Variants in COL4A5 observed in about 807,000 individuals in gnomAD.
COL4A5 encodes the protein collagen alpha-5(IV) chain.
COL4A5 carries 26 observed loss-of-function variants against 130.2 expected under a neutral mutation model. The ratio of observed to expected loss-of-function variants is 0.20; its 90% CI spans 0.15 to 0.28. COL4A5 has a LOEUF of 0.28. Ranked by LOEUF, COL4A5 falls within the 10% of genes least tolerant of loss-of-function variation. The probability of loss-of-function intolerance (pLI) is 1.00; values close to 1 mark genes in which losing one functional copy is unlikely to be tolerated. For synonymous variants in COL4A5, 496 were observed against 439.6 expected (o/e 1.13, Z -1.60); for missense variants, 1,131 against 1,344.3 (o/e 0.84, Z 2.48).
rs185318293 is a variant in COL4A5 at position 108,575,511 on chromosome X, C to T, written c.547-399C>T. Reference sequence around the variant, plus strand: ...AAATTGTAGAGCAGAATTCCAATGACGACTGAAGTTTAAATGAAGTCTAAA... The same window carrying T: ...AAATTGTAGAGCAGAATTCCAATGATGACTGAAGTTTAAATGAAGTCTAAA... On this transcript the variant is annotated intron_variant, in intron 9 of 52. Coordinates refer to ENST00000328300, the MANE Select transcript of COL4A5 (RefSeq NM_033380.3). Among the ~76,000 whole-genome samples, 10 of 112,522 alleles carry T rather than the reference C, an allele frequency of 8.9e-5. 3 individuals carry two copies. Among genetic ancestry groups the T allele is most frequent in the East Asian group, 2.8e-4 (1 of 3,581 alleles).
Position 108,624,324 on chromosome X carries a change from A to G in COL4A5, c.3006A>G (p.Pro1002=). 8.3e-7 allele frequency: 1 copy of G among 1,200,110 alleles called. No homozygotes were observed. The highest frequency in any genetic ancestry group is 1.1e-6 in the Non-Finnish European group (1 of 885,884). ...QPGLSGQPGL[P]GPPGPKGNPG... ...GACTGAGTGGACAACCTGGATTACC[A>G]GGACCACCAGGTAAGTGTGATAGGC... Residue 1002 remains proline (P), a synonymous_variant, in exon 34 of 53, where the codon CCA becomes CCG. Transcript: ENST00000328300.
intron 1 of COL4A5, among the ~76,000 whole-genome samples, chrX:108,488,561 CTG>C (rs767575200): frequency 4.5e-5 from 5 of 112,124 alleles, no homozygotes; most frequent in East Asian, 2.8e-4. Flanking sequence ...CAATGTATAA[CTG>C]TGTTTTCCTA....
At chrX:108,601,306 A>T in intron 25 of COL4A5, 87 bp from the exon 26 acceptor site, 1 of 597,920 alleles carries the variant, frequency 1.7e-6, no homozygotes, top group Admixed American at 3.0e-5. Context: ...AAGATTGCTG[A>T]TAATTTTCTT....
intron 1 of COL4A5, among the ~76,000 whole-genome samples, chrX:108,485,659 C>T (rs926652647): frequency 1.8e-5 from 2 of 110,181 alleles, no homozygotes; most frequent in Non-Finnish European, 3.8e-5. Context: ...CCCTATCCTA[C>T]TGTGTCTGAG....
At chrX:108,446,065 C>T (rs1338305600) in intron 1 of COL4A5, among the ~76,000 whole-genome samples, 1 of 111,060 alleles carries the variant, frequency 9.0e-6, no homozygotes, top group African/African-American at 3.3e-5. Context: ...ATTCATGTTT[C>T]AATTGCTATG....
chrX:108,595,427 G>A (rs1170940394), intron 21 of COL4A5, 82 bp from the exon 22 acceptor site: 2 of 842,783 alleles, frequency 2.4e-6, no homozygotes, highest in Admixed American at 2.2e-5. Flanking sequence ...CTGTCCCTTA[G>A]TGCTAACATT....
intron 1 of COL4A5, among the ~76,000 whole-genome samples, chrX:108,480,609 G>A (rs748484232): frequency 8.8e-6 from 1 of 113,005 alleles, no homozygotes; most frequent in African/African-American, 3.2e-5. Context: ...CTTCGGGTGG[G>A]CCTCATGCAC....
intron 2 of COL4A5, among the ~76,000 whole-genome samples, chrX:108,549,444 A>G (rs1374445872): frequency 8.9e-6 from 1 of 112,128 alleles, no homozygotes; most frequent in Non-Finnish European, 1.9e-5. Context: ...AAATAATAAT[A>G]TTTGTAGAAA....
At chrX:108,465,469 CTTTA>C (rs1188556087) in intron 1 of COL4A5, among the ~76,000 whole-genome samples, 2 of 111,258 alleles carry the variant, frequency 1.8e-5, no homozygotes, top group African/African-American at 3.3e-5. Flanking sequence ...TGTAAGAGTT[CTTTA>C]TTTGTCATGT....
intron 40 of COL4A5, 53 bp from the exon 41 acceptor site, chrX:108,668,266 G>T: frequency 1.8e-6 from 2 of 1,125,107 alleles, no homozygotes; most frequent in Non-Finnish European, 2.4e-6. Flanking sequence ...AACCTTATAA[G>T]CAAGCTTGTA....
chrX:108,638,324 A>C (rs1410994654), intron 36 of COL4A5, among the ~76,000 whole-genome samples: 1 of 111,418 alleles, frequency 9.0e-6, no homozygotes, highest in African/African-American at 3.3e-5. Context: ...GAGAAATCCC[A>C]CATGATCACT....
chrX:108,565,146 A>C (rs1177373261), intron 4 of COL4A5, among the ~76,000 whole-genome samples: 1 of 111,450 alleles, frequency 9.0e-6, no homozygotes, highest in Non-Finnish European at 1.9e-5. Flanking sequence ...CAGGTGTTTG[A>C]GATTGCTTGG....
chrX:108,488,155 TA>T (rs1327681487), intron 1 of COL4A5, among the ~76,000 whole-genome samples: 2 of 112,454 alleles, frequency 1.8e-5, no homozygotes, highest in Non-Finnish European at 3.8e-5. Context: ...TTTACTTTTA[TA>T]AATATTTTAT....
intron 49 of COL4A5, chrX:108,689,269 G>A (rs1395717705): frequency 1.6e-6 from 1 of 620,921 alleles, no homozygotes; most frequent in African/African-American, 2.5e-5. Flanking sequence ...ATTTTCTCTA[G>A]TCTTTCTCCT....
chrX:108,442,869 C>T (rs749250636), intron 1 of COL4A5: 12 of 111,276 alleles, frequency 1.1e-4, no homozygotes, highest in Non-Finnish European at 2.1e-4. Flanking sequence ...AGACATATAC[C>T]GTTATTATCC....
chrX:108,580,893 C>A, intron 15 of COL4A5, 90 bp from the exon 16 acceptor site: 1 of 1,018,149 alleles, frequency 9.8e-7, no homozygotes, highest in Non-Finnish European at 1.4e-6. Context: ...ATAGTCCAAG[C>A]CAGGAATAAA....
chrX:108,452,131 T>A (rs140968488), intron 1 of COL4A5, among the ~76,000 whole-genome samples: 128 of 111,651 alleles, frequency 1.1e-3, no homozygotes, highest in African/African-American at 4.0e-3. Context: ...GATCAGATAG[T>A]TGTAGATTTG....
At chrX:108,479,195 G>A (rs2064864916) in intron 1 of COL4A5, among the ~76,000 whole-genome samples, 1 of 112,304 alleles carries the variant, frequency 8.9e-6, no homozygotes, top group South Asian at 3.7e-4. Context: ...GCAATCACAT[G>A]GGATACAAAT....
intron 50 of COL4A5, 178 bp from the exon 51 acceptor site, chrX:108,694,629 T>A (rs1367729837): frequency 1.5e-5 from 7 of 472,977 alleles, no homozygotes; most frequent in Non-Finnish European, 2.6e-5. Context: ...GTTTATTATG[T>A]ATACTGGGAG....
Sources: gnomAD v4.1 joint callset for allele counts (sites outside exome capture counted in the v4.1 genomes callset) on GRCh38, gnomAD v4.1.1 for gene constraint, MANE v1.5 for transcripts, NCBI Gene and HGNC (gene_info 2026-07-23, HGNC 2026-07-21) for gene names.